The following MYRF variants were observed in gnomAD, a reference collection of about 807,000 sequenced individuals.
MYRF encodes the protein myelin regulatory factor.
A neutral mutation model predicts 126.3 loss-of-function variants in MYRF; 16 were observed. The ratio of observed to expected loss-of-function variants is 0.13; its 90% CI spans 0.09 to 0.19. The LOEUF (loss-of-function observed/expected upper bound fraction) is 0.19. MYRF is among the 10% of genes least tolerant of loss of function. The pLI, the probability that MYRF is intolerant of heterozygous loss-of-function variation, is 1.00. For synonymous variants in MYRF, 608 were observed against 635.3 expected (o/e 0.96, Z 0.65); for missense variants, 1,104 against 1,547.0 (o/e 0.71, Z 4.80).
intron 22 of MYRF, chr11:61,782,288 G>A (rs900589066): frequency 6.5e-6 from 1 of 154,458 alleles, no homozygotes; most frequent in Non-Finnish European, 1.4e-5. Flanking sequence ...TACCCTGGGG[G>A]CTGCGCTGGG....
rs571967812 is a variant in MYRF at position 61,778,740 on chromosome 11, G to A, written c.2013+251G>A. 36 of 636,898 alleles carry A rather than the reference G, an allele frequency of 5.7e-5. No individual in the cohort carries two copies. The highest frequency in any genetic ancestry group is 5.3e-4 in the South Asian group (35 of 66,178). The allele number at this position is 636,898 out of a possible 1,614,324, so 39.5% of individuals were successfully genotyped here. On this transcript the variant is annotated intron_variant, in intron 14 of 26. Coordinates refer to ENST00000278836, the MANE Select transcript of MYRF (RefSeq NM_001127392.3). This position sits in a 1 kb window ranked among gnomAD's most constrained non-coding sequence, Gnocchi z 4.6. ...AAGAGAAACCCTGTGGAGGGCCATG[G>A]CCTTCCACCCCCGGTAAAATGAGGG...
chr11:61,762,590 T>C (rs1303050213), intron 1 of MYRF, among the ~76,000 whole-genome samples: 4 of 152,224 alleles, frequency 2.6e-5, no homozygotes, highest in East Asian at 3.9e-4. Flanking sequence ...ACCCTGCCCC[T>C]GTCCTGGGTT....
chr11:61,780,740 C>A lies in MYRF; in HGVS notation c.2434C>A (p.Leu812Met). The change falls in exon 19 of 27, where the codon CTG becomes ATG. Residue 812 changes from leucine to methionine, a missense_variant. Leu to Met is a conservative substitution (Grantham distance 15). Coordinates refer to ENST00000278836, the MANE Select transcript of MYRF (RefSeq NM_001127392.3). ...TTTTGCCGTGTCCACTTCCTGTCTC[C>A]TGGCCCTGCTCCGGCCCCAGCCCCC... is the stretch of plus-strand genomic sequence containing the variant. Reference protein sequence around the residue: ...GSFAVSTSCLLALLRPQPPGG... With the variant: ...GSFAVSTSCLMALLRPQPPGG... 2 of 1,549,320 alleles carry A rather than the reference C, an allele frequency of 1.3e-6. No individual in the cohort carries two copies. Among genetic ancestry groups the A allele is most frequent in the Non-Finnish European group, 1.7e-6 (2 of 1,147,084 alleles).
In MYRF at chr11:61,771,677, C is replaced by G. The variant is rs998573816; in HGVS notation, c.918C>G (p.Gly306=). The G allele has an allele frequency of 6.2e-7, 1 of 1,613,886 alleles. No individual in the cohort carries two copies. The highest frequency in any genetic ancestry group is 2.2e-5 in the East Asian group (1 of 44,852). The stretch of plus-strand genomic sequence containing the variant: ...CTCCCCAGGGTCCGCTCTCCCCGGG[C>G]CCTGGTTCCTTGCCTCTCAGCATTG... ...PWPPQGPLSP[G]PGSLPLSIAR... The change falls in exon 6 of 27, where the codon GGC becomes GGG. Residue 306 remains glycine (G), a synonymous_variant. Transcript: ENST00000278836.
chr11:61,766,295 G>C (rs2066059503), intron 3 of MYRF, 74 bp downstream of exon 3: 3 of 1,463,578 alleles, frequency 2.0e-6, no homozygotes, highest in Non-Finnish European at 2.7e-6. Context: ...GCCGTGACCT[G>C]GGAGGTGCTA....
chr11:61,776,291 G>A lies in MYRF; in HGVS notation c.1389-31G>A. The A allele has an allele frequency of 6.3e-7, 1 of 1,595,714 alleles. No individual in the cohort carries two copies. ...CGTGGCTCTTGCAGCCTCCCTCCCT[G>A]CCCCCTGAGCACCCTGCCTCTCCTC... On this transcript the variant is annotated intron_variant, in intron 9 of 26. Transcript: ENST00000278836. The surrounding 1 kb of genome is among the most constrained non-coding windows in gnomAD (Gnocchi z 4.3).
At chr11:61,761,350 A>G (rs535422216) in intron 1 of MYRF, among the ~76,000 whole-genome samples, 6 of 151,798 alleles carry the variant, frequency 4.0e-5, no homozygotes, top group Admixed American at 2.6e-4. Context: ...CTCATCCTGC[A>G]CCTGGCTTGG....
intron 16 of MYRF, 123 bp downstream of exon 16, chr11:61,779,693 C>T: frequency 8.4e-7 from 1 of 1,196,808 alleles, no homozygotes. Context: ...GACTCTGTAG[C>T]CCTCCCAGCC....
At chr11:61,767,442 A>T (rs1183698285) in intron 3 of MYRF, 1 of 456,526 alleles carries the variant, frequency 2.2e-6, no homozygotes, top group Admixed American at 2.3e-5. Context: ...AGAGAGGGAA[A>T]GGGGCTTGTC....
Position 61,777,569 on chromosome 11 carries a change from G to A in MYRF, c.1791+105G>A. On this transcript the variant is annotated intron_variant, in intron 12 of 26. Transcript: ENST00000278836. The surrounding 1 kb of genome is among the most constrained non-coding windows in gnomAD (Gnocchi z 8.8). ...TGACTACGCGGAAAGGCGGAGCTGC[G>A]GGGGAAGGAAGGGAGGGAGGCTGGC... 7.7e-6 allele frequency: 11 copies of A among 1,425,152 alleles called. No individual in the cohort carries two copies. Among genetic ancestry groups the A allele is most frequent in the Non-Finnish European group, 1.0e-5 (11 of 1,048,094 alleles). 88.3% of individuals were successfully genotyped at this position (1,425,152 alleles called of 1,614,324 possible).
In MYRF at chr11:61,778,075, G is replaced by A. The variant is rs558841419; in HGVS notation, c.1903+230G>A. ...GGAAATCTGAGAATCACGGCCCAGGGACCCTCGCCCTTCGCGCTAGATGAA... is the reference window on the plus strand; with the variant it reads ...GGAAATCTGAGAATCACGGCCCAGGAACCCTCGCCCTTCGCGCTAGATGAA... On this transcript the variant is annotated intron_variant, in intron 13 of 26. Transcript: ENST00000278836. This position sits in a 1 kb window ranked among gnomAD's most constrained non-coding sequence, Gnocchi z 4.6. 7.9e-5 allele frequency among the ~76,000 whole-genome samples: 12 copies of A among 152,162 alleles called. No homozygotes were observed. The highest frequency in any genetic ancestry group is 2.1e-4 in the South Asian group (1 of 4,836).
At chr11:61,774,389 C>T (rs757827088) in intron 8 of MYRF, among the ~76,000 whole-genome samples, 11 of 151,854 alleles carry the variant, frequency 7.2e-5, no homozygotes, top group South Asian at 2.1e-4. Flanking sequence ...CGTGGTAGTA[C>T]GGGCCTGTAA....
chr11:61,759,191 C>T (rs2065840565), intron 1 of MYRF, among the ~76,000 whole-genome samples: 1 of 152,232 alleles, frequency 6.6e-6, no homozygotes, highest in African/African-American at 2.4e-5. Flanking sequence ...GCCCTGGTCC[C>T]TGTGGGAGAG....
At chr11:61,772,032 TG>T in intron 7 of MYRF, 80 bp downstream of exon 7, 1 of 1,568,322 alleles carries the variant, frequency 6.4e-7, no homozygotes, top group Non-Finnish European at 8.7e-7. Flanking sequence ...ATCAAGGTCC[TG>T]GAGCAGGGCC....
At position 61,783,326 on chromosome 11, in the gene MYRF, G is replaced by T; in HGVS notation, c.3017-172G>T. ...GGCTCATGGGAACTGGGTAGTCCTA[G>T]GGCTGCTGAGGAAAGGGTGTAGTGT... is the stretch of plus-strand genomic sequence containing the variant. On this transcript the variant is annotated intron_variant, in intron 22 of 26. Transcript: ENST00000278836. This position sits in a 1 kb window ranked among gnomAD's most constrained non-coding sequence, Gnocchi z 4.6. 1 of 606,156 alleles carries T rather than the reference G, an allele frequency of 1.6e-6. No homozygotes were observed. Among genetic ancestry groups the T allele is most frequent in the Non-Finnish European group, 3.0e-6 (1 of 334,586 alleles). 37.5% of individuals were successfully genotyped at this position (606,156 alleles called of 1,614,324 possible).
chr11:61,767,057 C>A (rs778702332), intron 3 of MYRF: 28 of 456,580 alleles, frequency 6.1e-5, no homozygotes, highest in South Asian at 4.2e-4. Context: ...TCAAGATTAT[C>A]GTGGGAAGCA....
intron 7 of MYRF, among the ~76,000 whole-genome samples, chr11:61,773,517 G>A (rs764538139): frequency 1.2e-4 from 18 of 152,186 alleles, no homozygotes; most frequent in Non-Finnish European, 2.4e-4. Context: ...CAGAGCAGGC[G>A]CCTGGTTCCA....
chr11:61,769,481 C>G (rs970434756), intron 4 of MYRF, among the ~76,000 whole-genome samples, 160 bp downstream of exon 4: 3 of 152,194 alleles, frequency 2.0e-5, no homozygotes, highest in Admixed American at 2.0e-4. Context: ...ATTGTTTCCC[C>G]ACGGGCGGGT....
chr11:61,774,631 C>T, intron 8 of MYRF, among the ~76,000 whole-genome samples: 1 of 151,888 alleles, frequency 6.6e-6, no homozygotes, highest in Non-Finnish European at 1.5e-5. Context: ...CCTTTTATCC[C>T]TGTGCCTGCC....
Sources: gnomAD v4.1 joint callset for allele counts (sites outside exome capture counted in the v4.1 genomes callset) on GRCh38, gnomAD v4.1.1 for gene constraint, Gnocchi (gnomAD v3.1) non-coding constraint, MANE v1.5 for transcripts, NCBI Gene and HGNC (gene_info 2026-07-23, HGNC 2026-07-21) for gene names.